CLASP1: variants seen among roughly 807,000 people sequenced by gnomAD.
The protein encoded by CLASP1 is CLIP-associating protein 1.
CLASP1 carries 38 observed loss-of-function variants against 192.3 expected under a neutral mutation model. The ratio of observed to expected loss-of-function variants is 0.20; its 90% CI spans 0.15 to 0.26. The LOEUF (loss-of-function observed/expected upper bound fraction) is 0.26. Among genes scored for constraint, CLASP1 ranks in the 10% least tolerant of loss-of-function variants. CLASP1 has a pLI of 1.00. For missense variants in CLASP1, 1,433 were observed against 1,932.5 expected (o/e 0.74, Z 4.85); for synonymous variants, 691 against 712.8 (o/e 0.97, Z 0.49).
chr2:121,448,470 C>G, intron 17 of CLASP1, 145 bp from the exon 18 acceptor site: 1 of 706,588 alleles, frequency 1.4e-6, no homozygotes. Context: ...ATGTTGTAAA[C>G]TCCCTGATTC....
In CLASP1 at chr2:121,473,712, C is replaced by A. The variant is rs531650685; in HGVS notation, c.713-3752G>T. Among the ~76,000 whole-genome samples, 4 of 152,248 alleles carry A rather than the reference C, an allele frequency of 2.6e-5. No homozygotes were observed. In the South Asian group the frequency reaches 8.3e-4, roughly 32 times the overall value. ...ACTGCTTAAACCCAGACAAGAGCAG[C>A]CAGGGGAAGAGACATAGCACACAGA... is the stretch of plus-strand genomic sequence containing the variant. On this transcript the variant is annotated intron_variant, in intron 8 of 39. Coordinates refer to ENST00000263710, the Ensembl canonical transcript of CLASP1.
chr2:121,563,527 T>TA (rs2059268859), intron 2 of CLASP1, among the ~76,000 whole-genome samples: 1 of 152,282 alleles, frequency 6.6e-6, no homozygotes, highest in East Asian at 1.9e-4. Context: ...ATTCTCTTAT[T>TA]AAAAAATATG....
chr2:121,429,630 A>C (rs1291591629), intron 20 of CLASP1, among the ~76,000 whole-genome samples: 1 of 152,236 alleles, frequency 6.6e-6, no homozygotes, highest in African/African-American at 2.4e-5. Flanking sequence ...TGCGGGCTGC[A>C]AATGTTAGAG....
At chr2:121,633,985 G>C (rs1334405481) in intron 1 of CLASP1, among the ~76,000 whole-genome samples, 3 of 149,682 alleles carry the variant, frequency 2.0e-5, no homozygotes, top group African/African-American at 7.4e-5. Flanking sequence ...GCGACAGAGC[G>C]AGACTCCGTC....
intron 2 of CLASP1, among the ~76,000 whole-genome samples, chr2:121,556,274 C>T (rs911951607): frequency 1.3e-5 from 2 of 152,156 alleles, no homozygotes; most frequent in Non-Finnish European, 2.9e-5. Flanking sequence ...GTGTGAACCA[C>T]CATGCCCAGC....
chr2:121,605,497 G>A (rs2064318742), intron 2 of CLASP1, among the ~76,000 whole-genome samples: 1 of 152,226 alleles, frequency 6.6e-6, no homozygotes, highest in Non-Finnish European at 1.5e-5. Flanking sequence ...GCTAAAGGAT[G>A]AGAATTTTTT....
chr2:121,575,760 A>G (rs1490424520), intron 2 of CLASP1, among the ~76,000 whole-genome samples: 1 of 152,210 alleles, frequency 6.6e-6, no homozygotes, highest in Non-Finnish European at 1.5e-5. Flanking sequence ...AGAGGCAGAA[A>G]GGAGGAGGAC....
chr2:121,647,765 G>GT (rs1489870690), intron 1 of CLASP1, among the ~76,000 whole-genome samples: 1 of 152,198 alleles, frequency 6.6e-6, no homozygotes, highest in Non-Finnish European at 1.5e-5. Context: ...CAATTCAGTT[G>GT]TAACACAGAG....
intron 32 of CLASP1, among the ~76,000 whole-genome samples, chr2:121,383,915 A>C (rs1218615182): frequency 1.3e-5 from 2 of 151,398 alleles, no homozygotes; most frequent in Non-Finnish European, 2.9e-5. Flanking sequence ...AATGTTTTAC[A>C]AAAGTTTAAC....
chr2:121,436,311 G>T (rs141550603), intron 19 of CLASP1, among the ~76,000 whole-genome samples: 1 of 151,206 alleles, frequency 6.6e-6, no homozygotes, highest in Non-Finnish European at 1.5e-5. Flanking sequence ...GGATTAAGGC[G>T]TGAGCCACCG....
intron 1 of CLASP1, among the ~76,000 whole-genome samples, chr2:121,633,028 AGGC>A (rs2070087965): frequency 2.5e-4 from 35 of 137,358 alleles, no homozygotes; most frequent in African/African-American, 6.1e-4. Flanking sequence ...ATATATATAT[AGGC>A]TTTTTTTCAT....
intron 1 of CLASP1, among the ~76,000 whole-genome samples, chr2:121,620,526 T>C (rs1296201995): frequency 6.6e-6 from 1 of 152,092 alleles, no homozygotes; most frequent in Non-Finnish European, 1.5e-5. Context: ...AATTTTGTAT[T>C]TTTAGTAGAG....
At chr2:121,367,649 G>A in exon 35 of CLASP1, 2 of 1,614,052 alleles carry the variant, frequency 1.2e-6, no homozygotes, top group African/African-American at 1.3e-5. Flanking sequence ...TCTTGTCGTA[G>A]GTGTTGATGG....
At chr2:121,468,365 G>A (rs553053084) in intron 9 of CLASP1, among the ~76,000 whole-genome samples, 1 of 152,216 alleles carries the variant, frequency 6.6e-6, no homozygotes, top group Admixed American at 6.5e-5. Flanking sequence ...ATTGCTTTGG[G>A]CAGTATGGCC....
intron 19 of CLASP1, among the ~76,000 whole-genome samples, chr2:121,447,106 G>A (rs1185803343): frequency 6.6e-6 from 1 of 152,212 alleles, no homozygotes; most frequent in Non-Finnish European, 1.5e-5. Flanking sequence ...CTCCGAGCAT[G>A]AGTGTACTGT....
intron 8 of CLASP1, among the ~76,000 whole-genome samples, chr2:121,486,038 T>C (rs1454547516): frequency 6.6e-6 from 1 of 152,158 alleles, no homozygotes; most frequent in Non-Finnish European, 1.5e-5. Context: ...GTGAAGTGCA[T>C]TCTAAGTGAG....
At chr2:121,510,958 G>A (rs2094115072) in intron 7 of CLASP1, among the ~76,000 whole-genome samples, 1 of 152,160 alleles carries the variant, frequency 6.6e-6, no homozygotes, top group Non-Finnish European at 1.5e-5. Flanking sequence ...ACAAAGAGGT[G>A]TCAGGATGAT....
chr2:121,401,525 C>A (rs754994609), exon 28 of CLASP1: 7 of 1,611,446 alleles, frequency 4.3e-6, no homozygotes, highest in South Asian at 1.1e-5. Context: ...ACATCTAGAG[C>A]CTTTTGAACT....
intron 6 of CLASP1, 127 bp downstream of exon 6, chr2:121,525,718 A>G (rs1246261174): frequency 8.0e-5 from 53 of 660,592 alleles, no homozygotes; most frequent in Non-Finnish European, 1.4e-4. Context: ...TGGGTACTGG[A>G]TCTCTTAAAT....
Sources: gnomAD v4.1 joint callset for allele counts (sites outside exome capture counted in the v4.1 genomes callset) on GRCh38, gnomAD v4.1.1 for gene constraint, MANE v1.5 for transcripts, NCBI Gene and HGNC (gene_info 2026-07-23, HGNC 2026-07-21) for gene names.